The following PASK variants were observed in gnomAD, a reference collection of about 807,000 sequenced individuals.
The protein encoded by PASK is PAS domain-containing serine/threonine-protein kinase.
In PASK, 110 loss-of-function variants were observed where a neutral mutation model predicts 121.0. That is an observed-to-expected ratio of 0.91 (90% confidence interval 0.78 to 1.06). The LOEUF (loss-of-function observed/expected upper bound fraction) is 1.06. Among genes scored for constraint, PASK ranks in the 50% least tolerant of loss-of-function variants. The pLI, the probability that PASK is intolerant of heterozygous loss-of-function variation, is 0.00. For synonymous variants in PASK, 686 were observed against 717.8 expected, an observed-to-expected ratio of 0.96 and a Z score of 0.71; for missense variants, 1,643 against 1,702.3, an observed-to-expected ratio of 0.97 and a Z score of 0.61.
chr2:241,126,600 G>C lies in PASK; in HGVS notation c.2315C>G (p.Ser772Cys). 1.2e-6 allele frequency: 2 copies of C among 1,614,218 alleles called. No individual in the cohort carries two copies. Among genetic ancestry groups the C allele is most frequent in the South Asian group, 1.1e-5 (1 of 91,088 alleles). Residue 772 changes from serine to cysteine, a missense_variant, in exon 10 of 18, where the codon TCC becomes TGC. Ser to Cys is a moderately radical substitution (Grantham distance 112, BLOSUM62 -1). This residue lies in a region of PASK where 1,176 missense variants were observed against 1,162.2 expected (regional missense o/e 1.01). Transcript: ENST00000234040. ...ATCTGGATCGGAGCCCACTGCCAAG[G>C]AAGAGGGTGTCTCTCTGAGTTCAGA... is the stretch of plus-strand genomic sequence containing the variant. ...ATSELRETPS[S>C]LAVGSDPDVG... is the part of the protein sequence containing the mutation.
In PASK at chr2:241,126,518, T is replaced by C; in HGVS notation, c.2397A>G (p.Leu799=). ...SCVLDDRELL[L]LTGTCVDLGQ... is the part of the protein sequence containing the mutation. ...CAAGGTCAACACAGGTGCCGGTCAGTAGTAACAGCTCCCTGTCATCCAGGA... is the reference window on the plus strand; with the variant it reads ...CAAGGTCAACACAGGTGCCGGTCAGCAGTAACAGCTCCCTGTCATCCAGGA... Residue 799 remains leucine (L), a synonymous_variant, in exon 10 of 18, where the codon CTA becomes CTG. Transcript: ENST00000234040. 2.5e-6 allele frequency: 4 copies of C among 1,614,182 alleles called. No individual in the cohort carries two copies. The highest frequency in any genetic ancestry group is 2.5e-6 in the Non-Finnish European group (3 of 1,180,034).
intron 1 of PASK, among the ~76,000 whole-genome samples, chr2:241,144,114 G>A (rs758071): frequency 0.27 from 40,504 of 151,562 alleles, 6,618 homozygotes; most frequent in Middle Eastern, 0.45. Flanking sequence ...GTGTGTGTCC[G>A]TGCGTGTGTG....
chr2:241,120,271 T>C (rs1477375304), intron 12 of PASK, among the ~76,000 whole-genome samples: 2 of 152,132 alleles, frequency 1.3e-5, no homozygotes, highest in African/African-American at 4.8e-5. Context: ...GGCGGGTAGA[T>C]AACCTGAGGT....
intron 5 of PASK, 81 bp from the exon 6 acceptor site, chr2:241,138,168 C>A: frequency 2.7e-6 from 4 of 1,490,008 alleles, no homozygotes; most frequent in Middle Eastern, 1.7e-4. Context: ...TATGTTCAAG[C>A]CAAAAGCAAG....
chr2:241,137,859 T>C, intron 6 of PASK, 94 bp downstream of exon 6: 1 of 1,420,116 alleles, frequency 7.0e-7, no homozygotes, highest in Non-Finnish European at 9.9e-7. Flanking sequence ...AAGGCCACCC[T>C]TGCCTTCAGA....
chr2:241,108,710 C>G lies in PASK; in HGVS notation c.3534-410G>C. The G allele has an allele frequency of 5.8e-6, 2 of 347,656 alleles. No homozygotes were observed. Among genetic ancestry groups the G allele is most frequent in the South Asian group, 4.6e-5 (2 of 43,940 alleles). The allele number at this position is 347,656 out of a possible 1,614,324, so 21.5% of individuals were successfully genotyped here. ...CCCTTCAGACGTGATCAGGCATGTT[C>G]ACGATCTTGGTGTGAACGGGCTTGG... On this transcript the variant is annotated intron_variant, in intron 15 of 17. Coordinates refer to ENST00000234040, the MANE Select transcript of PASK (RefSeq NM_015148.4). This position sits in a 1 kb window ranked among gnomAD's most constrained non-coding sequence, Gnocchi z 5.2.
At position 241,126,836 on chromosome 2, in the gene PASK, A is replaced by G. The variant is rs201582085; in HGVS notation, c.2079T>C (p.Pro693=). 31 of 1,613,078 alleles carry G rather than the reference A, an allele frequency of 1.9e-5. No individual in the cohort carries two copies. The highest frequency in any genetic ancestry group is 8.5e-7 in the Non-Finnish European group (1 of 1,179,198). Residue 693 remains proline (P), a synonymous_variant, in exon 10 of 18, where the codon CCT becomes CCC. Transcript: ENST00000234040. ...VPTECQAVTA[P]VSSCDLGGRD... ...TGCCTCCCAGATCGCAGGACGACAC[A>G]GGAGCGGTGACAGCCTGGCACTCTG...
intron 12 of PASK, among the ~76,000 whole-genome samples, chr2:241,121,485 T>C (rs1035630294): frequency 1.3e-5 from 2 of 152,124 alleles, no homozygotes; most frequent in Admixed American, 6.5e-5. Flanking sequence ...CCAGAAACAA[T>C]AGAAAACATC....
intron 12 of PASK, among the ~76,000 whole-genome samples, chr2:241,119,945 A>G (rs2065536284): frequency 6.6e-6 from 1 of 152,214 alleles, no homozygotes; most frequent in Non-Finnish European, 1.5e-5. Context: ...GTACACATGT[A>G]AATTTTAAAT....
In PASK at chr2:241,138,032, C is replaced by G; in HGVS notation, c.797G>C (p.Gly266Ala). 6.2e-7 allele frequency: 1 copy of G among 1,614,166 alleles called. No homozygotes were observed. The highest frequency in any genetic ancestry group is 8.5e-7 in the Non-Finnish European group (1 of 1,179,974). ...GATATGCTGCCCAGCCACGTCCTCC[C>G]CAGACACGTACCCGTGAAGATGAGC... The part of the protein sequence containing the change: ...LFAHLHGYVS[G>A]EDVAGQHITD... The change falls in exon 6 of 18, where the codon GGG (glycine) becomes GCG (alanine). Residue 266 changes from glycine (G) to alanine (A), a missense_variant. Transcript: ENST00000234040.
Position 241,136,472 on chromosome 2 carries a change from C to A in PASK, c.1138-433G>T, listed in dbSNP as rs571895884. Among the ~76,000 whole-genome samples the A allele has an allele frequency of 1.1e-3, 171 of 152,180 alleles. 1 individual carries two copies. Among genetic ancestry groups the A allele is most frequent in the African/African-American group, 3.3e-3 (137 of 41,526 alleles). On this transcript the variant is annotated intron_variant, in intron 7 of 17. Transcript: ENST00000234040. ...TGCTCTGACAGATGCTTCCTCTGAA[C>A]CTGTGTGTGGCCCCCTCACCGGGAC... is the stretch of plus-strand genomic sequence containing the variant.
At chr2:241,121,563 C>T (rs1485736563) in intron 12 of PASK, among the ~76,000 whole-genome samples, 2 of 152,158 alleles carry the variant, frequency 1.3e-5, no homozygotes, top group Admixed American at 6.5e-5. Context: ...GGTATAAACA[C>T]CTCAATTAGA....
In PASK at chr2:241,126,875, G is replaced by C; in HGVS notation, c.2040C>G (p.Ala680=). The change falls in exon 10 of 18, where the codon GCC becomes GCG. Residue 680 remains alanine, a synonymous_variant. Coordinates refer to ENST00000234040, the MANE Select transcript of PASK (RefSeq NM_015148.4). ...SLAGALDVPH[A]ELVPTECQAV... ...CCTGGCACTCTGTCGGAACGAGTTCGGCGTGGGGGACATCCAGGGCTCCTG... is the reference window on the plus strand; with the variant it reads ...CCTGGCACTCTGTCGGAACGAGTTCCGCGTGGGGGACATCCAGGGCTCCTG... 6.2e-7 allele frequency: 1 copy of C among 1,612,982 alleles called. No homozygotes were observed. Among genetic ancestry groups the C allele is most frequent in the Non-Finnish European group, 8.5e-7 (1 of 1,179,160 alleles).
In PASK at chr2:241,126,491, G is replaced by A; in HGVS notation, c.2424C>T (p.Gly808=). ...AGCTCTCCCGGAACCGTCGGCCTTGGCCAAGGTCAACACAGGTGCCGGTCA... is the reference window on the plus strand; with the variant it reads ...AGCTCTCCCGGAACCGTCGGCCTTGACCAAGGTCAACACAGGTGCCGGTCA... ...LLLTGTCVDL[G]QGRRFRESCV... Residue 808 remains glycine, a synonymous_variant, in exon 10 of 18, where the codon GGC becomes GGT. Transcript: ENST00000234040. The A allele has an allele frequency of 6.2e-7, 1 of 1,614,212 alleles. No individual in the cohort carries two copies. The highest frequency in any genetic ancestry group is 1.1e-5 in the South Asian group (1 of 91,084).
rs2302052 is a variant in PASK, at chr2:241,124,033, G to A, written c.2820C>T (p.Ala940=). ...KDLLHSQRDS[A]ARTRLFLASL... ...TGGCAAGGAACAGGCGGGTCCTGGCGGCTGAGTCGCGTTGGCTGTGGAGGA... is the reference window on the plus strand; with the variant it reads ...TGGCAAGGAACAGGCGGGTCCTGGCAGCTGAGTCGCGTTGGCTGTGGAGGA... The change falls in exon 11 of 18, where the codon GCC becomes GCT. Residue 940 remains alanine (A), a synonymous_variant. Coordinates refer to ENST00000234040, the MANE Select transcript of PASK (RefSeq NM_015148.4). The A allele has an allele frequency of 0.067, 107,522 of 1,613,354 alleles. 4,151 individuals are homozygous for A. Among genetic ancestry groups the A allele is most frequent in the African/African-American group, 0.14 (10,558 of 74,914 alleles).
At chr2:241,136,495 G>GAC (rs1189769751) in intron 7 of PASK, among the ~76,000 whole-genome samples, 1 of 152,116 alleles carries the variant, frequency 6.6e-6, no homozygotes. Flanking sequence ...CCCTCACCGG[G>GAC]ACACTGCCCA....
At chr2:241,137,437 AAG>A (rs1183046299) in intron 6 of PASK, among the ~76,000 whole-genome samples, 173 bp from the exon 7 acceptor site, 1 of 152,208 alleles carries the variant, frequency 6.6e-6, no homozygotes, top group Non-Finnish European at 1.5e-5. Context: ...TGGCCCAGGA[AAG>A]AGCCCTTCTG....
chr2:241,143,178 T>C (rs545957248), intron 1 of PASK, 104 bp from the exon 2 acceptor site: 11 of 707,824 alleles, frequency 1.6e-5, no homozygotes, highest in African/African-American at 8.7e-5. Flanking sequence ...CCAAAAGACA[T>C]ACACCACCAA....
upstream of PASK, chr2:241,149,852 C>T: frequency 6.8e-7 from 1 of 1,472,074 alleles, no homozygotes; most frequent in Non-Finnish European, 8.9e-7. Context: ...GCAAGGGGAG[C>T]CCAGCTGGCG....
Sources: gnomAD v4.1 joint callset for allele counts (sites outside exome capture counted in the v4.1 genomes callset) on GRCh38, gnomAD v4.1.1 for gene constraint, gnomAD v4.1.1 regional missense constraint, Gnocchi (gnomAD v3.1) non-coding constraint, MANE v1.5 for transcripts, NCBI Gene and HGNC (gene_info 2026-07-23, HGNC 2026-07-21) for gene names.